HDAC4: variants seen among roughly 807,000 people sequenced by gnomAD.
HDAC4 encodes the protein histone deacetylase 4, also known as histone deacetylase A.
HDAC4 carries 16 observed loss-of-function variants against 135.1 expected under a neutral mutation model. That is an observed-to-expected ratio of 0.12 (90% CI 0.08 to 0.18). The LOEUF is 0.18. Ranked by LOEUF, HDAC4 falls within the 10% of genes least tolerant of loss-of-function variation. The pLI is 1.00. For missense variants in HDAC4, 1,143 were observed against 1,511.8 expected, an observed-to-expected ratio of 0.76 and a Z score of 4.05; for synonymous variants, 685 against 653.4, an observed-to-expected ratio of 1.05 and a Z score of -0.74.
In HDAC4 at chr2:239,228,088, C is replaced by A. The variant is rs766448930; in HGVS notation, c.94+8505G>T. On this transcript the variant is annotated intron_variant, in intron 3 of 26. Coordinates refer to ENST00000543185, the MANE Select transcript of HDAC4 (RefSeq NM_001378414.1). ...TTGAGCTGCAGGAAGGGCAGAGCCA[C>A]GAACCTGGGGCCAGGCACACCAGAG... 7.2e-5 allele frequency among the ~76,000 whole-genome samples: 11 copies of A among 152,274 alleles called. No individual in the cohort carries two copies. In the South Asian group the frequency reaches 1.0e-3, roughly 14 times the overall value.
intron 3 of HDAC4, among the ~76,000 whole-genome samples, chr2:239,219,590 C>T (rs1393691519): frequency 1.3e-5 from 2 of 151,590 alleles, no homozygotes; most frequent in Non-Finnish European, 2.9e-5. Flanking sequence ...GCACATTGTG[C>T]ACATGTACCC....
chr2:239,346,164 ACT>A lies in HDAC4; in HGVS notation c.22+6512_22+6513del, dbSNP rs925741223. ...TCACACATGCACTCACCCAACACAC[ACT>A]GTCTAAAACACACACACCCTGTCTA... On this transcript the variant is annotated intron_variant, in intron 2 of 26. Coordinates refer to ENST00000543185, the MANE Select transcript of HDAC4 (RefSeq NM_001378414.1). Among the ~76,000 whole-genome samples, 63 of 151,552 alleles carry A rather than the reference ACT, an allele frequency of 4.2e-4. No homozygotes were observed. The South Asian group carries it at 5.7e-3, about 14-fold the overall frequency.
At chr2:239,304,481 A>G (rs1343084253) in intron 2 of HDAC4, among the ~76,000 whole-genome samples, 1 of 152,216 alleles carries the variant, frequency 6.6e-6, no homozygotes, top group Non-Finnish European at 1.5e-5. Flanking sequence ...ATGAGGATAG[A>G]GGCTATAACG....
At chr2:239,391,689 C>G (rs1258021295) in intron 1 of HDAC4, among the ~76,000 whole-genome samples, 3 of 152,224 alleles carry the variant, frequency 2.0e-5, no homozygotes, top group African/African-American at 7.2e-5. Flanking sequence ...CAGGACATCA[C>G]TGCAAATCAC....
At chr2:239,117,259 C>T (rs905075403) in intron 12 of HDAC4, among the ~76,000 whole-genome samples, 4 of 152,174 alleles carry the variant, frequency 2.6e-5, no homozygotes, top group African/African-American at 9.7e-5. Flanking sequence ...GGGCTGAAAA[C>T]AAGCAGGTGC....
At position 239,380,490 on chromosome 2, in the gene HDAC4, G is replaced by A. The variant is rs902675576; in HGVS notation, c.-220+20488C>T. On this transcript the variant is annotated intron_variant, in intron 1 of 26. Coordinates refer to ENST00000543185, the MANE Select transcript of HDAC4 (RefSeq NM_001378414.1). Reference sequence around the variant, plus strand: ...GTTAGCAAACATTTGAGTTCACCACGGGCCTGACAGTAACCTTGTGTTTCA... The same window carrying A: ...GTTAGCAAACATTTGAGTTCACCACAGGCCTGACAGTAACCTTGTGTTTCA... Among the ~76,000 whole-genome samples the A allele has an allele frequency of 9.2e-5, 14 of 151,962 alleles. No individual in the cohort carries two copies. The East Asian group carries it at 2.1e-3, about 23-fold the overall frequency.
intron 6 of HDAC4, among the ~76,000 whole-genome samples, chr2:239,163,446 A>C (rs999106937): frequency 2.0e-5 from 3 of 152,002 alleles, no homozygotes; most frequent in Non-Finnish European, 4.4e-5. Context: ...GGACCCCCAG[A>C]CCACGTCACT....
intron 1 of HDAC4, among the ~76,000 whole-genome samples, chr2:239,358,181 C>G (rs184471225): frequency 5.9e-4 from 90 of 152,266 alleles, no homozygotes; most frequent in African/African-American, 1.9e-3. Context: ...TTTTGCTGCA[C>G]TTATTACTTA....
chr2:239,088,025 C>G (rs1019901189), intron 18 of HDAC4, among the ~76,000 whole-genome samples: 3 of 152,202 alleles, frequency 2.0e-5, no homozygotes, highest in Admixed American at 6.5e-5. Context: ...GGGCCCCACT[C>G]AAGGACTTGG....
At chr2:239,210,611 G>C (rs940555752) in intron 3 of HDAC4, among the ~76,000 whole-genome samples, 1 of 152,174 alleles carries the variant, frequency 6.6e-6, no homozygotes, top group Non-Finnish European at 1.5e-5. Context: ...ACCAGCACAG[G>C]GAAATGTCTT....
intron 11 of HDAC4, among the ~76,000 whole-genome samples, chr2:239,127,624 C>T (rs3791453): frequency 0.17 from 25,285 of 152,194 alleles, 3,063 homozygotes; most frequent in African/African-American, 0.34. Flanking sequence ...GACCCTGACC[C>T]GCTCAAGGGC....
At chr2:239,162,357 T>C (rs3791516) in intron 6 of HDAC4, 2 of 456,218 alleles carry the variant, frequency 4.4e-6, no homozygotes, top group Non-Finnish European at 8.8e-6. Context: ...TGGCTCCTCA[T>C]CCTGCCCTTT....
At chr2:239,261,823 C>T (rs1444790551) in intron 2 of HDAC4, among the ~76,000 whole-genome samples, 1 of 152,244 alleles carries the variant, frequency 6.6e-6, no homozygotes, top group Non-Finnish European at 1.5e-5. Flanking sequence ...CGCTCCTTAA[C>T]AGTGGCAGGA....
chr2:239,230,368 C>CAAAAAAAAAAAAAAAAAAAAAACAAAA (rs56105562), intron 3 of HDAC4, among the ~76,000 whole-genome samples: 6 of 79,392 alleles, frequency 7.6e-5, no homozygotes, highest in Non-Finnish European at 1.4e-4. Context: ...AGCAAGCAAG[C>CAAAAAAAAAAAAAAAAAAAAAACAAAA]AAAAAAAAAA....
At chr2:239,284,432 T>C (rs748318902) in intron 2 of HDAC4, among the ~76,000 whole-genome samples, 1 of 152,150 alleles carries the variant, frequency 6.6e-6, no homozygotes, top group Non-Finnish European at 1.5e-5. Context: ...CCGCGGGGCC[T>C]CGGGGAGCAT....
At chr2:239,250,360 C>T (rs1219485078) in intron 2 of HDAC4, among the ~76,000 whole-genome samples, 5 of 152,196 alleles carry the variant, frequency 3.3e-5, no homozygotes, top group Non-Finnish European at 5.9e-5. Context: ...CCAGAGATCC[C>T]GGGGCCACCT....
Position 239,134,661 on chromosome 2 carries a change from G to A in HDAC4, c.979-18C>T, listed in dbSNP as rs201990257. 2.5e-6 allele frequency: 4 copies of A among 1,583,688 alleles called. No homozygotes were observed. Among genetic ancestry groups the A allele is most frequent in the Admixed American group, 1.7e-5 (1 of 59,994 alleles). On this transcript the variant is annotated intron_variant, in intron 9 of 26. Coordinates refer to ENST00000543185, the MANE Select transcript of HDAC4 (RefSeq NM_001378414.1). The stretch of plus-strand genomic sequence containing the variant: ...AAACTCGTCTGGGGACAGAACACAC[G>A]ATGACCATCACAGTCTGTCACGGCC...
At chr2:239,293,878 C>T (rs1456142498) in intron 2 of HDAC4, among the ~76,000 whole-genome samples, 2 of 152,244 alleles carry the variant, frequency 1.3e-5, no homozygotes, top group South Asian at 2.1e-4. Context: ...CCTTACAAAA[C>T]CTTTCTAGTG....
intron 4 of HDAC4, among the ~76,000 whole-genome samples, chr2:239,184,299 G>C (rs1307174967): frequency 1.3e-5 from 2 of 150,928 alleles, no homozygotes; most frequent in Non-Finnish European, 3.0e-5. Flanking sequence ...GGGTCCCTAA[G>C]TGTCTGTCCT....
Sources: gnomAD v4.1 joint callset for allele counts (sites outside exome capture counted in the v4.1 genomes callset) on GRCh38, gnomAD v4.1.1 for gene constraint, MANE v1.5 for transcripts, NCBI Gene and HGNC (gene_info 2026-07-23, HGNC 2026-07-21) for gene names.